The following ILKAP variants were observed in gnomAD, a reference collection of about 807,000 sequenced individuals.
ILKAP encodes integrin-linked kinase-associated serine/threonine phosphatase 2C.
ILKAP carries 11 observed loss-of-function variants against 49.1 expected under a neutral mutation model. The ratio of observed to expected loss-of-function variants is 0.22; its 90% confidence interval spans 0.14 to 0.37. The LOEUF (loss-of-function observed/expected upper bound fraction) is 0.37. Ranked by LOEUF, ILKAP falls within the 10% of genes least tolerant of loss-of-function variation. ILKAP has a pLI of 1.00. For synonymous variants in ILKAP, 186 were observed against 192.8 expected (o/e 0.96, Z 0.29); for missense variants, 363 against 510.8 (o/e 0.71, Z 2.79).
At chr2:238,200,137 TC>T (rs749252351) in intron 1 of ILKAP, among the ~76,000 whole-genome samples, 59 of 152,322 alleles carry the variant, frequency 3.9e-4, no homozygotes, top group Non-Finnish European at 7.8e-4. Context: ...CTTAAAGACA[TC>T]AGGTCGGCAC....
chr2:238,192,528 T>C (rs1694175726), intron 3 of ILKAP, among the ~76,000 whole-genome samples: 1 of 151,942 alleles, frequency 6.6e-6, no homozygotes, highest in East Asian at 1.9e-4. Flanking sequence ...TGAAACCCCA[T>C]CTCTACTAAA....
chr2:238,180,419 T>C (rs548110309), intron 9 of ILKAP, among the ~76,000 whole-genome samples: 1 of 152,254 alleles, frequency 6.6e-6, no homozygotes, highest in African/African-American at 2.4e-5. Context: ...TAGGCTGTTA[T>C]GTCATCATAT....
At chr2:238,192,777 G>T (rs1159166463) in intron 3 of ILKAP, among the ~76,000 whole-genome samples, 2 of 151,896 alleles carry the variant, frequency 1.3e-5, no homozygotes, top group African/African-American at 2.4e-5. Flanking sequence ...CACTTTGGGA[G>T]GCTGAGGCGG....
In ILKAP at chr2:238,182,932, C is replaced by G. The variant is rs1473241736; in HGVS notation, c.714+721G>C. Among the ~76,000 whole-genome samples, 2 of 152,184 alleles carry G rather than the reference C, an allele frequency of 1.3e-5. 1 individual carries two copies. The highest frequency in any genetic ancestry group is 2.9e-5 in the Non-Finnish European group (2 of 68,028). On this transcript the variant is annotated intron_variant, in intron 8 of 11. Coordinates refer to ENST00000254654, the MANE Select transcript of ILKAP (RefSeq NM_030768.3). ...CTTAGTATTTGATGAATCATCCCCC[C>G]AGAAGCATCGTGGGGAGGGGTCTAA...
chr2:238,196,522 A>G (rs1048766766), intron 1 of ILKAP, among the ~76,000 whole-genome samples: 13 of 152,200 alleles, frequency 8.5e-5, no homozygotes, highest in Admixed American at 2.0e-4. Context: ...CTATTGTGCC[A>G]GGCCAAACAC....
At chr2:238,195,771 AGTGGCTCATGCCTAT>A (rs1694316464) in intron 1 of ILKAP, among the ~76,000 whole-genome samples, 1 of 152,168 alleles carries the variant, frequency 6.6e-6, no homozygotes. Context: ...CGCCAGGCGC[AGTGGCTCATGCCTAT>A]AAACCCAGCA....
At chr2:238,181,856 G>C (rs761976684) in intron 9 of ILKAP, among the ~76,000 whole-genome samples, 1 of 152,174 alleles carries the variant, frequency 6.6e-6, no homozygotes, top group South Asian at 2.1e-4. Flanking sequence ...TTGTCCTTTT[G>C]CAAATGTAGG....
At chr2:238,177,637 A>T (rs941553182) in intron 9 of ILKAP, among the ~76,000 whole-genome samples, 1 of 152,208 alleles carries the variant, frequency 6.6e-6, no homozygotes, top group African/African-American at 2.4e-5. Flanking sequence ...TCCATTTTGT[A>T]GCATGGGTCA....
At chr2:238,182,987 G>C (rs540019358) in intron 8 of ILKAP, among the ~76,000 whole-genome samples, 1 of 152,300 alleles carries the variant, frequency 6.6e-6, no homozygotes, top group South Asian at 2.1e-4. Flanking sequence ...ACAGTCACTT[G>C]ATTCCTGTGA....
intron 1 of ILKAP, among the ~76,000 whole-genome samples, chr2:238,195,886 T>C (rs549158386): frequency 1.3e-5 from 2 of 151,034 alleles, no homozygotes; most frequent in East Asian, 2.0e-4. Flanking sequence ...ATGAAAAAAA[T>C]ACAAAAATTA....
Position 238,183,671 on chromosome 2 carries a change from G to A in ILKAP, c.696C>T (p.Ala232=), listed in dbSNP as rs1237882151. ...CACATACCCGACTATCTCCGAGGTT[G>A]GCAATATAAAGAATGTTGTCTACAG... is the stretch of plus-strand genomic sequence containing the variant. ...VLAVDNILYI[A]NLGDSRAILC... is the part of the protein sequence containing the mutation. The change falls in exon 8 of 12, where the codon GCC becomes GCT. Residue 232 remains alanine, a synonymous_variant. Transcript: ENST00000254654. 6.2e-7 allele frequency: 1 copy of A among 1,612,636 alleles called. No homozygotes were observed. Among genetic ancestry groups the A allele is most frequent in the Non-Finnish European group, 8.5e-7 (1 of 1,179,570 alleles).
Position 238,194,813 on chromosome 2 carries a change from G to C in ILKAP, c.113C>G (p.Thr38Ser). The change falls in exon 2 of 12, where the codon ACT (threonine) becomes AGT (serine). Residue 38 changes from threonine (T) to serine (S), a missense_variant. By Grantham distance (58) the Thr-to-Ser change is moderately conservative. Coordinates refer to ENST00000254654, the MANE Select transcript of ILKAP (RefSeq NM_030768.3). ...GAGCCTGAAGACTGTACCTGAGTCAGTACTGCTGGCCGGAGGGAGGTCATC... is the reference window on the plus strand; with the variant it reads ...GAGCCTGAAGACTGTACCTGAGTCACTACTGCTGGCCGGAGGGAGGTCATC... Reference protein sequence around the residue: ...LFDDLPPASSTDSGSGGPLLF... With the variant: ...LFDDLPPASSSDSGSGGPLLF... The C allele has an allele frequency of 6.2e-7, 1 of 1,614,106 alleles. No homozygotes were observed. The highest frequency in any genetic ancestry group is 8.5e-7 in the Non-Finnish European group (1 of 1,179,928).
At chr2:238,202,945 C>T (rs1262396964) in intron 1 of ILKAP, among the ~76,000 whole-genome samples, 5 of 151,690 alleles carry the variant, frequency 3.3e-5, no homozygotes, top group Admixed American at 2.6e-4. Flanking sequence ...ACAGAGGAGG[C>T]ATCCTGTCTT....
intron 5 of ILKAP, 53 bp downstream of exon 5, chr2:238,188,078 C>A (rs900955044): frequency 6.2e-7 from 1 of 1,600,426 alleles, no homozygotes; most frequent in South Asian, 1.1e-5. Flanking sequence ...AAATGCCAGT[C>A]AGAACCCAGG....
At chr2:238,189,832 G>C (rs1262272447) in intron 4 of ILKAP, 21 bp downstream of exon 4, 5 of 1,611,170 alleles carry the variant, frequency 3.1e-6, no homozygotes, top group South Asian at 2.2e-5. Context: ...TAATACATTT[G>C]TTTTCAAATT....
chr2:238,191,026 T>C (rs1694100368), intron 3 of ILKAP, among the ~76,000 whole-genome samples: 1 of 152,136 alleles, frequency 6.6e-6, no homozygotes, highest in Non-Finnish European at 1.5e-5. Flanking sequence ...ATGATCACAG[T>C]TTACTGCAGC....
intron 1 of ILKAP, 56 bp downstream of exon 1, chr2:238,203,443 G>T (rs1694661963): frequency 1.9e-6 from 2 of 1,029,484 alleles, no homozygotes; most frequent in Non-Finnish European, 2.4e-6. Context: ...GCCTCAGGCC[G>T]CCCCCATCCC....
At chr2:238,199,926 T>A (rs535610292) in intron 1 of ILKAP, among the ~76,000 whole-genome samples, 2 of 152,306 alleles carry the variant, frequency 1.3e-5, no homozygotes, top group South Asian at 4.1e-4. Context: ...CCAATTTTTT[T>A]AAAGTATTTT....
intron 5 of ILKAP, among the ~76,000 whole-genome samples, 185 bp downstream of exon 5, chr2:238,187,946 A>G (rs1693972783): frequency 6.6e-6 from 1 of 152,182 alleles, no homozygotes; most frequent in Admixed American, 6.5e-5. Flanking sequence ...TGTGACAAAA[A>G]TGTACCCAAA....
Sources: gnomAD v4.1 joint callset for allele counts (sites outside exome capture counted in the v4.1 genomes callset) on GRCh38, gnomAD v4.1.1 for gene constraint, MANE v1.5 for transcripts, NCBI Gene and HGNC (gene_info 2026-07-23, HGNC 2026-07-21) for gene names.